SYT1: variants seen among roughly 807,000 people sequenced by gnomAD.
SYT1 encodes synaptotagmin-1.
A neutral mutation model predicts 44.8 loss-of-function variants in SYT1; 8 were observed. That is an observed-to-expected ratio of 0.18 (90% CI 0.10 to 0.32). The LOEUF is 0.32. Ranked by LOEUF, SYT1 falls within the 10% of genes least tolerant of loss-of-function variation. The pLI, the probability that SYT1 is intolerant of heterozygous loss-of-function variation, is 1.00. For synonymous variants in SYT1, 154 were observed against 188.8 expected (o/e 0.82, Z 1.51); for missense variants, 286 against 509.3 (o/e 0.56, Z 4.22).
chr12:79,167,659 G>A (rs998050616), intron 3 of SYT1, among the ~76,000 whole-genome samples: 2 of 151,970 alleles, frequency 1.3e-5, no homozygotes, highest in Non-Finnish European at 2.9e-5. Context: ...TGAAATGTCA[G>A]GGACTGAATA....
At chr12:79,253,938 T>A (rs1197103646) in intron 4 of SYT1, among the ~76,000 whole-genome samples, 1 of 152,012 alleles carries the variant, frequency 6.6e-6, no homozygotes, top group East Asian at 1.9e-4. Flanking sequence ...CTGAGAGAGG[T>A]AAGGGAGCTG....
chr12:79,397,761 G>A (rs1340290003), intron 9 of SYT1, among the ~76,000 whole-genome samples: 2 of 152,212 alleles, frequency 1.3e-5, no homozygotes, highest in East Asian at 3.8e-4. Flanking sequence ...AAGACTTAAA[G>A]ATGTGGGGAG....
chr12:79,061,202 C>T (rs10506806), intron 3 of SYT1, among the ~76,000 whole-genome samples: 49,179 of 151,806 alleles, frequency 0.32, 8,049 homozygotes, highest in African/African-American at 0.36. Context: ...GGTGTCTGAA[C>T]CTTAAGTCAA....
intron 8 of SYT1, among the ~76,000 whole-genome samples, chr12:79,322,018 G>A (rs1187629544): frequency 6.6e-6 from 1 of 152,054 alleles, no homozygotes; most frequent in Non-Finnish European, 1.5e-5. Context: ...GTTCCTCTCA[G>A]GGCCAAGATG....
chr12:79,294,257 A>G (rs1879773745), intron 6 of SYT1, among the ~76,000 whole-genome samples: 2 of 152,074 alleles, frequency 1.3e-5, no homozygotes, highest in East Asian at 1.9e-4. Flanking sequence ...GTGAGAGTAC[A>G]TTTACTGTTC....
intron 2 of SYT1, among the ~76,000 whole-genome samples, chr12:78,981,125 G>GTTTTTTTTTTTTT (rs1171068435): frequency 3.3e-5 from 4 of 122,684 alleles, no homozygotes; most frequent in African/African-American, 9.3e-5. Context: ...TTGTTTCTTT[G>GTTTTTTTTTTTTT]TTTTTTTTTT....
chr12:79,234,782 C>T (rs931158895), intron 4 of SYT1, among the ~76,000 whole-genome samples: 1 of 144,924 alleles, frequency 6.9e-6, no homozygotes, highest in Non-Finnish European at 1.5e-5. Flanking sequence ...GCAATCTTGG[C>T]TCACTGCAAC....
intron 3 of SYT1, among the ~76,000 whole-genome samples, chr12:79,087,542 G>C (rs755036510): frequency 1.3e-5 from 2 of 152,144 alleles, no homozygotes; most frequent in Non-Finnish European, 2.9e-5. Flanking sequence ...AATAGGACTA[G>C]TTCCTGTCCT....
rs868678178 is a variant in SYT1 at position 79,049,293 on chromosome 12, A to G, written c.-18+1931A>G. Among the ~76,000 whole-genome samples, 23 of 151,934 alleles carry G rather than the reference A, an allele frequency of 1.5e-4. 1 individual carries two copies. Among genetic ancestry groups the G allele is most frequent in the African/African-American group, 5.5e-4 (23 of 41,508 alleles). On this transcript the variant is annotated intron_variant, in intron 3 of 10. Transcript: ENST00000261205. ...GGAGACATCTCATTCAAGTAATGAG[A>G]TCTCCTGTTCATTTGCAGTAATCTT... is the stretch of plus-strand genomic sequence containing the variant.
intron 4 of SYT1, among the ~76,000 whole-genome samples, chr12:79,262,911 G>C (rs749833361): frequency 6.6e-6 from 1 of 152,172 alleles, no homozygotes; most frequent in Admixed American, 6.6e-5. Context: ...AAAAAAGATA[G>C]AGTACATAGA....
rs138168018 is a variant in SYT1, at chr12:79,316,566, C to T, written c.810+17015C>T. ...CCAGGACCCCAGGTAATAGTCTATA[C>T]AGGAATGTGTTGTGATACCTACTGT... On this transcript the variant is annotated intron_variant, in intron 8 of 10. Coordinates refer to ENST00000261205, the MANE Select transcript of SYT1 (RefSeq NM_005639.3). 1.3e-3 allele frequency among the ~76,000 whole-genome samples: 196 copies of T among 152,244 alleles called. 3 individuals carry two copies. The East Asian group carries it at 0.03, about 23-fold the overall frequency.
intron 1 of SYT1, among the ~76,000 whole-genome samples, chr12:78,896,636 G>C (rs1875373778): frequency 6.6e-6 from 1 of 151,744 alleles, no homozygotes; most frequent in African/African-American, 2.4e-5. Flanking sequence ...CATGTAAACA[G>C]AGACTTTAGA....
intron 4 of SYT1, among the ~76,000 whole-genome samples, chr12:79,257,606 G>T (rs1249990336): frequency 6.6e-6 from 1 of 151,956 alleles, no homozygotes; most frequent in East Asian, 1.9e-4. Flanking sequence ...TCCTGCCTCA[G>T]CCTCCCGAGT....
intron 9 of SYT1, among the ~76,000 whole-genome samples, chr12:79,370,370 A>T (rs1355319818): frequency 6.6e-6 from 1 of 152,222 alleles, no homozygotes; most frequent in Non-Finnish European, 1.5e-5. Context: ...TTAACTATAA[A>T]GACCTGAACT....
chr12:79,251,573 A>G (rs1003643401), intron 4 of SYT1, among the ~76,000 whole-genome samples: 4 of 152,178 alleles, frequency 2.6e-5, no homozygotes, highest in African/African-American at 9.6e-5. Context: ...ATGGATAACC[A>G]CACTCTGTAG....
intron 9 of SYT1, among the ~76,000 whole-genome samples, chr12:79,383,505 T>C (rs949893943): frequency 6.6e-6 from 1 of 151,990 alleles, no homozygotes; most frequent in South Asian, 2.1e-4. Context: ...ATTCAAGATA[T>C]AGTTATTTAA....
intron 6 of SYT1, among the ~76,000 whole-genome samples, chr12:79,294,621 G>C (rs1446197494): frequency 6.6e-6 from 1 of 152,024 alleles, no homozygotes; most frequent in Non-Finnish European, 1.5e-5. Flanking sequence ...AGTTTCTAAA[G>C]AGTTTAAGCC....
intron 9 of SYT1, among the ~76,000 whole-genome samples, chr12:79,363,078 T>G (rs1883381313): frequency 6.6e-6 from 1 of 152,094 alleles, no homozygotes; most frequent in Non-Finnish European, 1.5e-5. Flanking sequence ...AATGCTTACA[T>G]TTGCATCCTT....
At chr12:79,179,010 A>C in intron 3 of SYT1, among the ~76,000 whole-genome samples, 1 of 24,192 alleles carries the variant, frequency 4.1e-5, no homozygotes, top group African/African-American at 2.7e-4. Context: ...AGATATAGAT[A>C]TATAGATATA....
Sources: allele counts gnomAD v4.1 joint callset (sites outside exome capture counted in the v4.1 genomes callset), GRCh38; gene constraint gnomAD v4.1.1; transcripts MANE v1.5; gene names NCBI Gene and HGNC (gene_info 2026-07-23, HGNC 2026-07-21).